The following VIPAS39 variants were observed in gnomAD, a reference collection of about 807,000 sequenced individuals.
VIPAS39 encodes VPS33B interacting protein, apical-basolateral polarity regulator, spe-39 homolog.
VIPAS39 carries 63 observed loss-of-function variants against 84.7 expected under a neutral mutation model. The observed-to-expected ratio is 0.74, with a 90% CI of 0.61 to 0.92. The LOEUF (loss-of-function observed/expected upper bound fraction) is 0.92. Among genes scored for constraint, VIPAS39 ranks in the 40% least tolerant of loss-of-function variants. The pLI, the probability that VIPAS39 is intolerant of heterozygous loss-of-function variation, is 0.00. For missense variants in VIPAS39, 499 were observed against 604.5 expected (o/e 0.83, Z 1.83); for synonymous variants, 192 against 216.5 (o/e 0.89, Z 0.99).
intron 14 of VIPAS39, 167 bp downstream of exon 14, chr14:77,435,092 G>T: frequency 3.0e-6 from 3 of 1,010,626 alleles, no homozygotes; most frequent in Non-Finnish European, 4.5e-6. Flanking sequence ...TTTCCCTCCT[G>T]GCCAGATGAG....
intron 7 of VIPAS39, 133 bp from the exon 8 acceptor site, chr14:77,444,474 C>A: frequency 1.3e-6 from 1 of 751,292 alleles, no homozygotes; most frequent in East Asian, 2.9e-5. Context: ...ACCCTATGGT[C>A]CCCAGCACTT....
intron 14 of VIPAS39, 88 bp downstream of exon 14, chr14:77,435,171 A>G: frequency 6.3e-7 from 1 of 1,588,194 alleles, no homozygotes; most frequent in Non-Finnish European, 8.6e-7. Context: ...CATACCCATT[A>G]TTAATAGAGT....
At chr14:77,438,041 T>G (rs1434232294) in intron 11 of VIPAS39, among the ~76,000 whole-genome samples, 160 bp from the exon 12 acceptor site, 1 of 152,118 alleles carries the variant, frequency 6.6e-6, no homozygotes, top group Non-Finnish European at 1.5e-5. Flanking sequence ...AGTGACTAAG[T>G]ATCATTAGTA....
chr14:77,440,048 A>G (rs151258598), intron 11 of VIPAS39, among the ~76,000 whole-genome samples: 1 of 151,988 alleles, frequency 6.6e-6, no homozygotes, highest in African/African-American at 2.4e-5. Context: ...ATGCTTTGCT[A>G]ATTTTTTAAA....
intron 14 of VIPAS39, 116 bp downstream of exon 14, chr14:77,435,143 G>T: frequency 6.6e-7 from 1 of 1,525,458 alleles, no homozygotes; most frequent in Non-Finnish European, 9.0e-7. Context: ...GCTTCCAGGT[G>T]GATTTCTGAG....
At chr14:77,436,441 T>C (rs1391434229) in intron 12 of VIPAS39, among the ~76,000 whole-genome samples, 1 of 152,166 alleles carries the variant, frequency 6.6e-6, no homozygotes, top group Non-Finnish European at 1.5e-5. Context: ...TGCATTATGT[T>C]TTTTGTTTGT....
At chr14:77,443,915 C>CCTG (rs975210481) in intron 8 of VIPAS39, among the ~76,000 whole-genome samples, 1 of 151,530 alleles carries the variant, frequency 6.6e-6, no homozygotes, top group African/African-American at 2.4e-5. Context: ...GTGGTATGCA[C>CCTG]CTGTGGTCCC....
At chr14:77,452,326 C>T (rs2078894682) in intron 3 of VIPAS39, among the ~76,000 whole-genome samples, 1 of 151,716 alleles carries the variant, frequency 6.6e-6, no homozygotes, top group Non-Finnish European at 1.5e-5. Flanking sequence ...AACCAAGCAA[C>T]GATTGTTTTT....
intron 12 of VIPAS39, 70 bp from the exon 13 acceptor site, chr14:77,435,989 C>G: frequency 6.6e-7 from 1 of 1,515,204 alleles, no homozygotes; most frequent in Non-Finnish European, 9.2e-7. Context: ...TAAACCAAAT[C>G]GCCAGCATAA....
In VIPAS39 at chr14:77,453,270, T is replaced by C. The variant is rs765102255; in HGVS notation, c.196+29A>G. 4.6e-5 allele frequency: 74 copies of C among 1,602,582 alleles called. No homozygotes were observed. The Middle Eastern group carries it at 8.2e-4, about 18-fold the overall frequency. ...ATCAGTGATAAGAATCCTCAACATC[T>C]ATCCCTGCCTAGGGACTCTTCTACT... On this transcript the variant is annotated intron_variant, in intron 3 of 19. Transcript: ENST00000557658.
rs1397128749 is a variant in VIPAS39 at position 77,434,453 on chromosome 14, G to T, written c.1048-150C>A. On this transcript the variant is annotated intron_variant, in intron 14 of 19. Transcript: ENST00000557658. Reference sequence around the variant, plus strand: ...ATTAATTTCAGGGAAAAGCTCCATTGGGAATAGTCAGATACCACTATAAGC... The same window carrying T: ...ATTAATTTCAGGGAAAAGCTCCATTTGGAATAGTCAGATACCACTATAAGC... The T allele has an allele frequency of 5.1e-6, 4 of 782,930 alleles. No homozygotes were observed. The Admixed American group carries it at 8.1e-5, about 16-fold the overall frequency. The allele number at this position is 782,930 out of a possible 1,614,324, so 48.5% of individuals were successfully genotyped here. A position where few individuals can be genotyped will look rare whatever the true frequency, so the allele number is the denominator to read the frequency against.
At chr14:77,435,140 G>T (rs1483654149) in intron 14 of VIPAS39, 119 bp downstream of exon 14, 3 of 1,515,086 alleles carry the variant, frequency 2.0e-6, no homozygotes, top group African/African-American at 1.4e-5. Context: ...AAAGCTTCCA[G>T]GTGGATTTCT....
At position 77,453,412 on chromosome 14, in the gene VIPAS39, A is replaced by C. The variant is rs776311508; in HGVS notation, c.94-11T>G. On this transcript the variant is annotated splice_polypyrimidine_tract_variant and intron_variant, in intron 2 of 19. Coordinates refer to ENST00000557658, the MANE Select transcript of VIPAS39 (RefSeq NM_001193315.2). Reference sequence around the variant, plus strand: ...CTTGGACTCCTTTAACTGCAGAGGGACACAAGGCTAGGGTGCTCAGGCAAA... The same window carrying C: ...CTTGGACTCCTTTAACTGCAGAGGGCCACAAGGCTAGGGTGCTCAGGCAAA... 1.7e-5 allele frequency: 27 copies of C among 1,613,250 alleles called. No homozygotes were observed. Among genetic ancestry groups the C allele is most frequent in the Non-Finnish European group, 2.1e-5 (25 of 1,179,346 alleles).
In VIPAS39 at chr14:77,442,597, C is replaced by A. The variant is rs780603626; in HGVS notation, c.697G>T (p.Glu233Ter). 3 of 1,614,162 alleles carry A rather than the reference C, an allele frequency of 1.9e-6. No homozygotes were observed. The South Asian group carries it at 3.3e-5, about 18-fold the overall frequency. Residue 233 changes from glutamate to a stop codon, truncating the protein, a stop_gained, in exon 10 of 20, where the codon GAA becomes TAA. Coordinates refer to ENST00000557658, the MANE Select transcript of VIPAS39 (RefSeq NM_001193315.2). LOFTEE classifies it high-confidence loss of function. The stretch of plus-strand genomic sequence containing the variant: ...AAAAGCAACTTTTGATCCCCTATTT[C>A]CTTAAGGAAGTGAATAAGATGTCTC... ...ALRHLIHFLK[E>*]IGDQKLLLDL...
At chr14:77,431,366 A>G (rs1594893010) in intron 16 of VIPAS39, among the ~76,000 whole-genome samples, 1 of 152,244 alleles carries the variant, frequency 6.6e-6, no homozygotes, top group African/African-American at 2.4e-5. Flanking sequence ...TGGGCAAAAG[A>G]CTTGAATGGA....
chr14:77,447,724 G>A (rs1201219229), intron 7 of VIPAS39, among the ~76,000 whole-genome samples: 2 of 152,112 alleles, frequency 1.3e-5, no homozygotes, highest in East Asian at 1.9e-4. Flanking sequence ...GCAGTGGCAC[G>A]ATCTCAGCTC....
At chr14:77,450,518 A>T (rs557957317) in intron 4 of VIPAS39, among the ~76,000 whole-genome samples, 1 of 152,026 alleles carries the variant, frequency 6.6e-6, no homozygotes, top group Non-Finnish European at 1.5e-5. Flanking sequence ...TATGTTATTT[A>T]TTTATTTATT....
chr14:77,444,297 T>A lies in VIPAS39; in HGVS notation c.549A>T (p.Gln183His). 6.2e-7 allele frequency: 1 copy of A among 1,613,762 alleles called. No individual in the cohort carries two copies. The highest frequency in any genetic ancestry group is 8.5e-7 in the Non-Finnish European group (1 of 1,179,788). ...GCATGCTTACTGCCTCTTCTAGGAG[T>A]TGTAGTTTGTCCTGTAAGGAGCGGA... The part of the protein sequence containing the change: ...ERFRSLQDKL[Q>H]LLEEAVSMHD... Residue 183 changes from glutamine to histidine, a missense_variant, in exon 8 of 20, where the codon CAA becomes CAT. By Grantham distance (24) the Gln-to-His change is conservative. Coordinates refer to ENST00000557658, the MANE Select transcript of VIPAS39 (RefSeq NM_001193315.2).
chr14:77,451,966 A>T (rs2078888591), intron 3 of VIPAS39, among the ~76,000 whole-genome samples: 1 of 152,204 alleles, frequency 6.6e-6, no homozygotes, highest in South Asian at 2.1e-4. Flanking sequence ...ATCCTATGTG[A>T]GTAATTCCAC....
Sources: gnomAD v4.1 joint callset for allele counts (sites outside exome capture counted in the v4.1 genomes callset) on GRCh38, gnomAD v4.1.1 for gene constraint, MANE v1.5 for transcripts, NCBI Gene and HGNC (gene_info 2026-07-23, HGNC 2026-07-21) for gene names.